PKHD1L1: variants seen among roughly 807,000 people sequenced by gnomAD.
PKHD1L1 encodes the protein PKHD1 like 1.
Under a neutral mutation model 462.9 loss-of-function variants are expected in PKHD1L1, and 434 were observed. The observed-to-expected ratio is 0.94, with a 90% confidence interval of 0.87 to 1.02. The LOEUF (loss-of-function observed/expected upper bound fraction) is 1.02, where lower values mean the gene tolerates loss of function less well. PKHD1L1 is among the 50% of genes least tolerant of loss of function. The pLI is 0.00. For missense variants in PKHD1L1, 5,202 were observed against 5,096.1 expected, an observed-to-expected ratio of 1.02 and a Z score of -0.63; for synonymous variants, 1,781 against 1,750.0, an observed-to-expected ratio of 1.02 and a Z score of -0.44.
At chr8:109,407,585 A>G (rs939512036) in intron 17 of PKHD1L1, among the ~76,000 whole-genome samples, 2 of 152,170 alleles carry the variant, frequency 1.3e-5, no homozygotes, top group Non-Finnish European at 2.9e-5. Context: ...ACTAAGTGGC[A>G]TGGTATGAAC....
In PKHD1L1 at chr8:109,480,071, T is replaced by C. The variant is rs1818198122; in HGVS notation, c.9259T>C (p.Tyr3087His). ...IWGVLELEDK[Y>H]NVGAAESSYR... ...GGGGGTTCTAGAACTGGAAGATAAA[T>C]ACAATGTAGGAGCTGCAGAATCTTC... The change falls in exon 55 of 78, where the codon TAC becomes CAC. Residue 3087 changes from tyrosine (Y) to histidine (H), a missense_variant. Tyr to His is a moderately conservative substitution (Grantham distance 83, BLOSUM62 2). Transcript: ENST00000378402. 2.5e-6 allele frequency: 4 copies of C among 1,587,482 alleles called. No homozygotes were observed. The highest frequency in any genetic ancestry group is 3.4e-6 in the Non-Finnish European group (4 of 1,166,620).
At chr8:109,488,380 T>G (rs1225095049) in intron 59 of PKHD1L1, among the ~76,000 whole-genome samples, 1 of 152,042 alleles carries the variant, frequency 6.6e-6, no homozygotes, top group Non-Finnish European at 1.5e-5. Flanking sequence ...ATTATTGACT[T>G]TCAGAACCTT....
chr8:109,524,547 C>T (rs536073018), intron 76 of PKHD1L1, among the ~76,000 whole-genome samples: 12 of 152,258 alleles, frequency 7.9e-5, no homozygotes, highest in African/African-American at 2.9e-4. Flanking sequence ...TGGAAAAGAA[C>T]CAACCTTGTG....
chr8:109,402,974 A>G lies in PKHD1L1; in HGVS notation c.1373+1386A>G, dbSNP rs550943883. On this transcript the variant is annotated intron_variant, in intron 14 of 77. Transcript: ENST00000378402. ...ATTTTCTTCTATAACCATGAAAACTACTGGGCCAGGTCAAGATAAATGGAG... is the reference window on the plus strand; with the variant it reads ...ATTTTCTTCTATAACCATGAAAACTGCTGGGCCAGGTCAAGATAAATGGAG... Among the ~76,000 whole-genome samples, 8 of 152,270 alleles carry G rather than the reference A, an allele frequency of 5.3e-5. No individual in the cohort carries two copies. The South Asian group carries it at 1.2e-3, about 24-fold the overall frequency.
intron 30 of PKHD1L1, among the ~76,000 whole-genome samples, chr8:109,437,063 G>A (rs551453144): frequency 2.6e-5 from 4 of 152,140 alleles, no homozygotes; most frequent in African/African-American, 9.6e-5. Flanking sequence ...TTACAGGCAT[G>A]TACCACCACG....
In PKHD1L1 at chr8:109,497,226, C is replaced by T; in HGVS notation, c.10553C>T (p.Pro3518Leu). 2.5e-6 allele frequency: 4 copies of T among 1,613,192 alleles called. No homozygotes were observed. The highest frequency in any genetic ancestry group is 2.5e-6 in the Non-Finnish European group (3 of 1,179,478). ...GCCATTTTTCCAATGATTTACATGC[C>T]AGCTGCTATATCACACAAAATTTCC... ...GMAIFPMIYMPAAISHKISSK... is the reference protein window; with the variant it reads ...GMAIFPMIYMLAAISHKISSK... Residue 3518 changes from proline (P) to leucine (L), a missense_variant, in exon 65 of 78, where the codon CCA (proline) becomes CTA (leucine). Pro to Leu is a moderately conservative substitution (Grantham distance 98). Around this residue, in one of 3 missense-constraint regions of PKHD1L1, gnomAD observed 4,497 missense variants for 4,336.8 expected, o/e 1.04. Transcript: ENST00000378402.
chr8:109,426,363 A>G (rs1814748205), intron 24 of PKHD1L1, among the ~76,000 whole-genome samples: 1 of 152,036 alleles, frequency 6.6e-6, no homozygotes, highest in Non-Finnish European at 1.5e-5. Context: ...TTGATATGAA[A>G]ATATCGACTG....
intron 6 of PKHD1L1, 25 bp downstream of exon 6, chr8:109,385,655 T>G (rs770374511): frequency 7.2e-7 from 1 of 1,390,858 alleles, no homozygotes. Context: ...TGGAAATATA[T>G]TCTTATAACT....
intron 14 of PKHD1L1, 130 bp from the exon 15 acceptor site, chr8:109,404,424 A>G (rs1813422514): frequency 2.0e-6 from 1 of 504,346 alleles, no homozygotes; most frequent in African/African-American, 2.0e-5. Flanking sequence ...TATTTAAAAT[A>G]TGAGATACTA....
intron 21 of PKHD1L1, among the ~76,000 whole-genome samples, chr8:109,416,870 T>G (rs1814202355): frequency 6.6e-6 from 1 of 152,206 alleles, no homozygotes; most frequent in Non-Finnish European, 1.5e-5. Flanking sequence ...AGGTACATTT[T>G]CAACAGGAAG....
chr8:109,522,791 G>T lies in PKHD1L1; in HGVS notation c.12231G>T (p.Val4077=). The T allele has an allele frequency of 6.2e-7, 1 of 1,612,138 alleles. No homozygotes were observed. The highest frequency in any genetic ancestry group is 8.5e-7 in the Non-Finnish European group (1 of 1,179,448). ...GGTCTGCATTTCCTGTTCATCACGT[G>T]GCCTTCGTGTCCTCACTCTTAGTGA... The part of the protein sequence containing the change: ...VERSAFPVHH[V]AFVSSLLVIT... Residue 4077 remains valine (V), a synonymous_variant, in exon 75 of 78, where the codon GTG becomes GTT. Transcript: ENST00000378402.
At position 109,448,385 on chromosome 8, in the gene PKHD1L1, A is replaced by G. The variant is rs1816282534; in HGVS notation, c.6019A>G (p.Ser2007Gly). ...GCTTAATATTCAAAATATTAATCCA[A>G]GCCAAGGTAGTCATAAGTATGCAAG... ...YPLNIQNINP[S>G]QGSFGGGQTM... is the part of the protein sequence containing the mutation. Residue 2007 changes from serine (S) to glycine (G), a missense_variant, in exon 39 of 78, where the codon AGC (serine) becomes GGC (glycine). By Grantham distance (56) the Ser-to-Gly change is moderately conservative. This residue lies in a region of PKHD1L1 where 4,497 missense variants were observed against 4,336.8 expected (regional missense o/e 1.04). Coordinates refer to ENST00000378402, the MANE Select transcript of PKHD1L1 (RefSeq NM_177531.6). 6.2e-7 allele frequency: 1 copy of G among 1,609,878 alleles called. No individual in the cohort carries two copies. Among genetic ancestry groups the G allele is most frequent in the Non-Finnish European group, 8.5e-7 (1 of 1,177,348 alleles).
At position 109,433,110 on chromosome 8, in the gene PKHD1L1, C is replaced by T. The variant is rs765834421; in HGVS notation, c.3234C>T (p.Ser1078=). 21 of 1,605,230 alleles carry T rather than the reference C, an allele frequency of 1.3e-5. No individual in the cohort carries two copies. The highest frequency in any genetic ancestry group is 2.2e-5 in the South Asian group (2 of 89,924). The change falls in exon 28 of 78, where the codon TCC becomes TCT. Residue 1078 remains serine (S), a synonymous_variant. Transcript: ENST00000378402. ...ATTTAAATTGATCATTTTTAGGGTCCTATGAAGAAGGCACAATTCTAACCA... is the reference window on the plus strand; with the variant it reads ...ATTTAAATTGATCATTTTTAGGGTCTTATGAAGAAGGCACAATTCTAACCA... The part of the protein sequence containing the change: ...LVLAISPSQG[S]YEEGTILTIV...
Position 109,532,990 on chromosome 8 carries a change from A to G in PKHD1L1, c.*2900A>G, listed in dbSNP as rs1404056277. Among the ~76,000 whole-genome samples, 2 of 152,234 alleles carry G rather than the reference A, an allele frequency of 1.3e-5. No individual in the cohort carries two copies. Among genetic ancestry groups the G allele is most frequent in the Non-Finnish European group, 2.9e-5 (2 of 68,030 alleles). ...TGAGGATAACCTTATTCCCTTCTCCAAATGAGGAAACTTGAAATGTTGAAG... is the reference window on the plus strand; with the variant it reads ...TGAGGATAACCTTATTCCCTTCTCCGAATGAGGAAACTTGAAATGTTGAAG... On this transcript the variant is annotated 3_prime_UTR_variant, in exon 78 of 78. Transcript: ENST00000378402.
At chr8:109,394,363 G>A (rs539118717) in intron 9 of PKHD1L1, 52 bp from the exon 10 acceptor site, 38 of 1,189,014 alleles carry the variant, frequency 3.2e-5, no homozygotes, top group Admixed American at 5.4e-5. Flanking sequence ...TTAAAAAAAT[G>A]TTCCTAAATT....
In PKHD1L1 at chr8:109,450,982, A is replaced by C. The variant is rs1359127143; in HGVS notation, c.6183A>C (p.Gly2061=). ...CTGATCTTCCTTTCATAGGCACGGG[A>C]GCTGAGCAAGCCTGTGAAGTGAGTG... ...LCEIPSNNGT[G]AEQACEVSVV... Residue 2061 remains glycine, a synonymous_variant, in exon 41 of 78, where the codon GGA becomes GGC. Transcript: ENST00000378402. 1.2e-6 allele frequency: 2 copies of C among 1,600,796 alleles called. No homozygotes were observed. Among genetic ancestry groups the C allele is most frequent in the East Asian group, 4.5e-5 (2 of 44,520 alleles).
chr8:109,393,136 G>T (rs569089569), intron 9 of PKHD1L1, among the ~76,000 whole-genome samples: 1 of 151,980 alleles, frequency 6.6e-6, no homozygotes, highest in African/African-American at 2.4e-5. Context: ...CAGCCAAAAG[G>T]CTTCTGACAT....
At chr8:109,468,955 T>C (rs1407084207) in intron 50 of PKHD1L1, among the ~76,000 whole-genome samples, 1 of 152,180 alleles carries the variant, frequency 6.6e-6, no homozygotes, top group African/African-American at 2.4e-5. Flanking sequence ...AGACCTCTGT[T>C]AGTTTTCTTC....
rs776041667 is a variant in PKHD1L1 at position 109,401,534 on chromosome 8, A to G, written c.1319A>G (p.Tyr440Cys). 4 of 1,594,648 alleles carry G rather than the reference A, an allele frequency of 2.5e-6. No homozygotes were observed. Among genetic ancestry groups the G allele is most frequent in the Non-Finnish European group, 3.4e-6 (4 of 1,164,038 alleles). ...IAYHSANANS[Y>C]FSSPTQRSDD... ...TATCATTCTGCTAATGCCAACAGTT[A>G]TTTTTCCAGTCCAACACAAAGATCA... Residue 440 changes from tyrosine to cysteine, a missense_variant, in exon 14 of 78, where the codon TAT (tyrosine) becomes TGT (cysteine). By Grantham distance (194) the Tyr-to-Cys change is radical. This residue lies in a region of PKHD1L1 where 4,497 missense variants were observed against 4,336.8 expected (regional missense o/e 1.04). Transcript: ENST00000378402.
Sources: allele counts gnomAD v4.1 joint callset (sites outside exome capture counted in the v4.1 genomes callset), GRCh38; gene constraint gnomAD v4.1.1; regional missense constraint gnomAD v4.1.1; transcripts MANE v1.5; gene names NCBI Gene and HGNC (gene_info 2026-07-23, HGNC 2026-07-21).